CCDC60: variants seen among roughly 807,000 people sequenced by gnomAD.
The protein encoded by CCDC60 is coiled-coil domain-containing protein 60.
CCDC60 carries 54 observed loss-of-function variants against 63.5 expected under a neutral mutation model. That is an observed-to-expected ratio of 0.85 (90% CI 0.68 to 1.07). The LOEUF (loss-of-function observed/expected upper bound fraction) is 1.07, where lower values mean the gene tolerates loss of function less well. Among genes scored for constraint, CCDC60 ranks in the 50% least tolerant of loss-of-function variants. The pLI is 0.00. For synonymous variants in CCDC60, 206 were observed against 238.8 expected (o/e 0.86, Z 1.27); for missense variants, 651 against 684.3 (o/e 0.95, Z 0.54).
chr12:119,522,242 C>A (rs1809676965), intron 9 of CCDC60, among the ~76,000 whole-genome samples: 1 of 152,176 alleles, frequency 6.6e-6, no homozygotes, highest in Admixed American at 6.5e-5. Context: ...GCCCAAGTCC[C>A]TAAACAAGGA....
chr12:119,479,995 TACACACACACACACACACACACACACAC>T (rs56080581), intron 4 of CCDC60, among the ~76,000 whole-genome samples: 10 of 122,076 alleles, frequency 8.2e-5, no homozygotes, highest in African/African-American at 2.8e-4. Context: ...CCGTACATCA[TACACACACACACACACACACACACACAC>T]ACACACACAC....
At chr12:119,363,101 A>G (rs560514742) in intron 1 of CCDC60, among the ~76,000 whole-genome samples, 47 of 152,248 alleles carry the variant, frequency 3.1e-4, no homozygotes, top group Non-Finnish European at 6.0e-4. Context: ...CCCTCTCAAA[A>G]ATAAAAATAA....
At chr12:119,398,729 TA>T (rs1956332668) in intron 1 of CCDC60, among the ~76,000 whole-genome samples, 1 of 152,276 alleles carries the variant, frequency 6.6e-6, no homozygotes, top group African/African-American at 2.4e-5. Context: ...TACAATTAGA[TA>T]ATCTGTCTTG....
intron 3 of CCDC60, among the ~76,000 whole-genome samples, chr12:119,476,646 C>T (rs1200835113): frequency 1.3e-5 from 2 of 152,186 alleles, no homozygotes; most frequent in East Asian, 3.8e-4. Context: ...TTGCACACAG[C>T]CTAACACCCT....
intron 1 of CCDC60, among the ~76,000 whole-genome samples, chr12:119,353,650 C>A (rs965695325): frequency 3.2e-5 from 4 of 126,314 alleles, no homozygotes; most frequent in Non-Finnish European, 6.3e-5. Context: ...TCTTGTTGCC[C>A]AGGCTGGAGT....
At chr12:119,416,832 G>A (rs1956708137) in intron 1 of CCDC60, among the ~76,000 whole-genome samples, 1 of 152,082 alleles carries the variant, frequency 6.6e-6, no homozygotes, top group African/African-American at 2.4e-5. Context: ...TTTATAAAGA[G>A]ATTCCCGGCC....
In CCDC60 at chr12:119,372,218, C is replaced by A. The variant is rs191262567; in HGVS notation, c.90+36952C>A. ...GAGTTTGCAGTGAGCTGAGATCACACCACCGCACTCCAGCCTGGGTGACAG... is the reference window on the plus strand; with the variant it reads ...GAGTTTGCAGTGAGCTGAGATCACAACACCGCACTCCAGCCTGGGTGACAG... On this transcript the variant is annotated intron_variant, in intron 1 of 13. Coordinates refer to ENST00000327554, the MANE Select transcript of CCDC60 (RefSeq NM_178499.5). Among the ~76,000 whole-genome samples the A allele has an allele frequency of 2.6e-4, 39 of 152,128 alleles. 1 individual carries two copies. The highest frequency in any genetic ancestry group is 2.5e-3 in the South Asian group (12 of 4,818).
chr12:119,382,976 G>A (rs189832915), intron 1 of CCDC60, among the ~76,000 whole-genome samples: 5 of 152,308 alleles, frequency 3.3e-5, no homozygotes, highest in Admixed American at 1.3e-4. Context: ...GAACCTCTTT[G>A]TGCTTGCCTG....
At chr12:119,516,408 C>A (rs1406350474) in intron 7 of CCDC60, among the ~76,000 whole-genome samples, 1 of 152,198 alleles carries the variant, frequency 6.6e-6, no homozygotes, top group Non-Finnish European at 1.5e-5. Context: ...TAACACAGAA[C>A]CACTGATGGG....
intron 2 of CCDC60, among the ~76,000 whole-genome samples, chr12:119,466,048 CACA>C (rs1363768800): frequency 2.0e-5 from 3 of 152,192 alleles, no homozygotes; most frequent in Admixed American, 6.5e-5. Flanking sequence ...AGAGCCTTTG[CACA>C]TGTTGTTCCT....
intron 1 of CCDC60, among the ~76,000 whole-genome samples, chr12:119,412,480 T>A (rs1956620711): frequency 6.6e-6 from 1 of 152,204 alleles, no homozygotes; most frequent in African/African-American, 2.4e-5. Context: ...CTTTCTTAGG[T>A]CACTCTTTGT....
chr12:119,339,971 T>G (rs762315371), intron 1 of CCDC60, among the ~76,000 whole-genome samples: 37 of 152,178 alleles, frequency 2.4e-4, no homozygotes, highest in Non-Finnish European at 5.1e-4. Flanking sequence ...CTTACTAGGT[T>G]GTGTGATCTT....
rs575560421 is a variant in CCDC60, at chr12:119,359,946, C to CA, written c.90+24681dup. 9.7e-4 allele frequency among the ~76,000 whole-genome samples: 147 copies of CA among 152,168 alleles called. 1 individual carries two copies. In the Middle Eastern group the frequency reaches 0.027, roughly 28 times the overall value. Reference sequence around the variant, plus strand: ...CCATGTCTACTTCTTTCTACACAGACACGGCAACCATCCCATTTCTCAATC... The same window carrying CA: ...CCATGTCTACTTCTTTCTACACAGACAACGGCAACCATCCCATTTCTCAATC... On this transcript the variant is annotated intron_variant, in intron 1 of 13. Coordinates refer to ENST00000327554, the MANE Select transcript of CCDC60 (RefSeq NM_178499.5).
chr12:119,380,357 T>C (rs761835129), intron 1 of CCDC60, among the ~76,000 whole-genome samples: 12 of 152,192 alleles, frequency 7.9e-5, no homozygotes, highest in Non-Finnish European at 1.5e-4. Context: ...ACCATGGGAA[T>C]TGGCAAACAC....
At chr12:119,515,218 T>C (rs1952324260) in intron 7 of CCDC60, among the ~76,000 whole-genome samples, 1 of 152,174 alleles carries the variant, frequency 6.6e-6, no homozygotes, top group East Asian at 1.9e-4. Flanking sequence ...TCGACTGAGG[T>C]CCTGGTGATT....
Position 119,456,434 on chromosome 12 carries a change from AC to A in CCDC60, c.171-15559del, listed in dbSNP as rs1950750989. Among the ~76,000 whole-genome samples the A allele has an allele frequency of 6.6e-6, 1 of 152,206 alleles. No individual in the cohort carries two copies. The highest frequency in any genetic ancestry group is 1.5e-5 in the Non-Finnish European group (1 of 68,034). On this transcript the variant is annotated intron_variant, in intron 2 of 13. Transcript: ENST00000327554. The surrounding 1 kb of genome is among the most constrained non-coding windows in gnomAD (Gnocchi z 4.6). The stretch of plus-strand genomic sequence containing the variant: ...CTGGATATGAAAGGGGTCAAAAGAC[AC>A]AAGTGTTACAGGACCCCAACACTTC...
chr12:119,367,714 C>T (rs539276918), intron 1 of CCDC60, among the ~76,000 whole-genome samples: 1 of 152,274 alleles, frequency 6.6e-6, no homozygotes, highest in Non-Finnish European at 1.5e-5. Flanking sequence ...AATACTAATG[C>T]AACCTGCAAC....
intron 10 of CCDC60, 142 bp downstream of exon 10, chr12:119,523,143 C>T: frequency 1.3e-6 from 1 of 793,670 alleles, no homozygotes. Context: ...AAGGGATCCC[C>T]CAGGTTTAGG....
At chr12:119,385,107 G>T (rs1227702704) in intron 1 of CCDC60, among the ~76,000 whole-genome samples, 1 of 152,186 alleles carries the variant, frequency 6.6e-6, no homozygotes, top group East Asian at 1.9e-4. Flanking sequence ...ACTTGTTTAT[G>T]GTCTGTGTCC....
Sources: allele counts gnomAD v4.1 joint callset (sites outside exome capture counted in the v4.1 genomes callset), GRCh38; gene constraint gnomAD v4.1.1; non-coding constraint Gnocchi (gnomAD v3.1); transcripts MANE v1.5; gene names NCBI Gene and HGNC (gene_info 2026-07-23, HGNC 2026-07-21).